Variants in ENPP1 observed in about 807,000 individuals in gnomAD.
ENPP1 encodes ectonucleotide pyrophosphatase/phosphodiesterase family member 1.
Under a neutral mutation model 122.8 loss-of-function variants are expected in ENPP1, and 73 were observed. The ratio of observed to expected loss-of-function variants is 0.59; its 90% confidence interval spans 0.49 to 0.72. The LOEUF (loss-of-function observed/expected upper bound fraction) is 0.72, where lower values mean the gene tolerates loss of function less well. ENPP1 is among the 30% of genes least tolerant of loss of function. The pLI is 0.00. For missense variants in ENPP1, 978 were observed against 1,128.1 expected (o/e 0.87, Z 1.91); for synonymous variants, 367 against 391.6 (o/e 0.94, Z 0.74).
At chr6:131,877,305 T>C in intron 18 of ENPP1, 144 bp downstream of exon 18, 1 of 781,604 alleles carries the variant, frequency 1.3e-6, no homozygotes, top group Non-Finnish European at 2.2e-6. Flanking sequence ...AGGGGGCGCA[T>C]GTAGATCTTT....
chr6:131,886,852 G>T, intron 24 of ENPP1, 128 bp downstream of exon 24: 1 of 646,076 alleles, frequency 1.5e-6, no homozygotes. Flanking sequence ...CGAAATTATA[G>T]GATGCTTTTA....
chr6:131,869,340 AT>A lies in ENPP1; in HGVS notation c.1274-8del, dbSNP rs149287352. The stretch of plus-strand genomic sequence containing the variant: ...TGTTAAAGTTACAGCATGTTTTGGG[AT>A]TTTTTTTTTCTCCTAGGCATGGAAC... On this transcript the variant is annotated splice_polypyrimidine_tract_variant and intron_variant, in intron 12 of 24. Coordinates refer to ENST00000647893, the MANE Select transcript of ENPP1 (RefSeq NM_006208.3). The A allele has an allele frequency of 3.9e-4, 604 of 1,530,110 alleles. No homozygotes were observed. Among genetic ancestry groups the A allele is most frequent in the South Asian group, 8.9e-4 (78 of 87,326 alleles). 94.8% of individuals were successfully genotyped at this position (1,530,110 alleles called of 1,614,324 possible).
At chr6:131,861,134 TTTCTG>T (rs1782018346) in intron 8 of ENPP1, among the ~76,000 whole-genome samples, 3 of 152,196 alleles carry the variant, frequency 2.0e-5, no homozygotes, top group Non-Finnish European at 4.4e-5. Flanking sequence ...AATCATTCTG[TTTCTG>T]CCTCTGTTTT....
intron 1 of ENPP1, among the ~76,000 whole-genome samples, chr6:131,811,310 C>T (rs1388007168): frequency 6.6e-6 from 1 of 151,594 alleles, no homozygotes; most frequent in Non-Finnish European, 1.5e-5. Flanking sequence ...GTGGTGGTCA[C>T]TGAAGACTAC....
chr6:131,815,827 C>T (rs1781406105), intron 1 of ENPP1, among the ~76,000 whole-genome samples: 1 of 151,168 alleles, frequency 6.6e-6, no homozygotes, highest in Non-Finnish European at 1.5e-5. Context: ...GCCTTAGCCT[C>T]CTGAGTAGCT....
intron 1 of ENPP1, among the ~76,000 whole-genome samples, chr6:131,830,859 C>T (rs968082221): frequency 6.6e-5 from 10 of 151,468 alleles, no homozygotes; most frequent in African/African-American, 1.9e-4. Flanking sequence ...GCCTGTAATC[C>T]CAGCATTCTG....
chr6:131,852,345 A>T (rs1269051815), intron 5 of ENPP1, 110 bp downstream of exon 5: 2 of 729,044 alleles, frequency 2.7e-6, no homozygotes, highest in Non-Finnish European at 4.7e-6. Flanking sequence ...TTTATTAAAC[A>T]TTACAGGTTG....
intron 2 of ENPP1, among the ~76,000 whole-genome samples, chr6:131,848,412 T>C (rs552160316): frequency 6.6e-6 from 1 of 151,690 alleles, no homozygotes; most frequent in Non-Finnish European, 1.5e-5. Context: ...TTGAGGTAGT[T>C]CCCCCCCCAT....
rs150970657 is a variant in ENPP1 at position 131,885,034 on chromosome 6, A to T, written c.2415A>T (p.Gly805=). Residue 805 remains glycine (G), a synonymous_variant, in exon 23 of 25, where the codon GGA becomes GGT. Coordinates refer to ENST00000647893, the MANE Select transcript of ENPP1 (RefSeq NM_006208.3). ...CTGTGTTTGACTTTGATTATGATGGACGTTGTGATTCCTTAGAGAATCTGA... is the reference window on the plus strand; with the variant it reads ...CTGTGTTTGACTTTGATTATGATGGTCGTTGTGATTCCTTAGAGAATCTGA... ...SGPVFDFDYD[G]RCDSLENLRQ... The T allele has an allele frequency of 1.0e-4, 168 of 1,613,886 alleles. No individual in the cohort carries two copies. Among genetic ancestry groups the T allele is most frequent in the Non-Finnish European group, 1.4e-4 (161 of 1,179,960 alleles).
intron 6 of ENPP1, among the ~76,000 whole-genome samples, chr6:131,857,869 G>A (rs1158468457): frequency 6.6e-6 from 1 of 152,188 alleles, no homozygotes; most frequent in Non-Finnish European, 1.5e-5. Flanking sequence ...GGTGCCAAAT[G>A]TGGCATCGTG....
At chr6:131,862,608 T>C (rs1456782169) in intron 9 of ENPP1, among the ~76,000 whole-genome samples, 1 of 152,142 alleles carries the variant, frequency 6.6e-6, no homozygotes, top group Non-Finnish European at 1.5e-5. Flanking sequence ...TTATAGGGGA[T>C]CAAGTGAGTT....
intron 1 of ENPP1, among the ~76,000 whole-genome samples, chr6:131,809,729 T>C (rs1197355655): frequency 6.6e-6 from 1 of 152,256 alleles, no homozygotes; most frequent in Non-Finnish European, 1.5e-5. Context: ...CATTTCTACA[T>C]GCCTATAAAC....
At chr6:131,887,288 C>T (rs895682919) in intron 24 of ENPP1, among the ~76,000 whole-genome samples, 4 of 152,062 alleles carry the variant, frequency 2.6e-5, no homozygotes, top group Non-Finnish European at 5.9e-5. Flanking sequence ...ATCGTATTGT[C>T]ATCCCAGTGT....
At chr6:131,858,529 T>C (rs1255045574) in intron 6 of ENPP1, 139 bp from the exon 7 acceptor site, 10 of 633,560 alleles carry the variant, frequency 1.6e-5, no homozygotes, top group African/African-American at 1.1e-4. Flanking sequence ...TTATAATTCA[T>C]CCTGAATTTT....
At chr6:131,826,841 C>G in intron 1 of ENPP1, 1 of 378,292 alleles carries the variant, frequency 2.6e-6, no homozygotes, top group East Asian at 6.2e-5. Context: ...CACAGCCTCC[C>G]TGTGTGGGGC....
rs372506892 is a variant in ENPP1 at position 131,891,502 on chromosome 6, G to A, written c.*991G>A. 7 of 152,278 alleles carry A rather than the reference G, an allele frequency of 4.6e-5. No individual in the cohort carries two copies. Among genetic ancestry groups the A allele is most frequent in the Admixed American group, 2.6e-4 (4 of 15,302 alleles). The allele number at this position is 152,278 out of a possible 1,614,324, so 9.4% of individuals were successfully genotyped here. On this transcript the variant is annotated 3_prime_UTR_variant, in exon 25 of 25. Transcript: ENST00000647893. Reference sequence around the variant, plus strand: ...CACCTCACATCTTCTTGGTGGACATGATAAATGACACAATGAACTTGATTT... The same window carrying A: ...CACCTCACATCTTCTTGGTGGACATAATAAATGACACAATGAACTTGATTT...
At chr6:131,861,057 ATAGT>A (rs1167873498) in intron 8 of ENPP1, among the ~76,000 whole-genome samples, 5 of 152,334 alleles carry the variant, frequency 3.3e-5, no homozygotes, top group Middle Eastern at 3.4e-3. Context: ...AAAGAGCATA[ATAGT>A]TAGTTTGCAG....
chr6:131,854,120 T>G (rs1021832736), intron 5 of ENPP1, among the ~76,000 whole-genome samples: 5 of 152,182 alleles, frequency 3.3e-5, no homozygotes, highest in African/African-American at 4.8e-5. Context: ...AAATACAGTA[T>G]ATAGGCTTGG....
intron 1 of ENPP1, among the ~76,000 whole-genome samples, chr6:131,833,385 AT>A (rs556107202): frequency 3.3e-5 from 5 of 151,440 alleles, no homozygotes; most frequent in African/African-American, 1.2e-4. Flanking sequence ...TAAAAATTGG[AT>A]TTTTTTTCTA....
Sources: allele counts gnomAD v4.1 joint callset (sites outside exome capture counted in the v4.1 genomes callset), GRCh38; gene constraint gnomAD v4.1.1; transcripts MANE v1.5; gene names NCBI Gene and HGNC (gene_info 2026-07-23, HGNC 2026-07-21).